The following NTNG1 variants were observed in gnomAD, a reference collection of about 807,000 sequenced individuals.
NTNG1 encodes netrin-G1.
In NTNG1, 16 loss-of-function variants were observed where a neutral mutation model predicts 54.0. That is an observed-to-expected ratio of 0.30 (90% CI 0.20 to 0.45). NTNG1 has a LOEUF of 0.45. NTNG1 is among the 20% of genes least tolerant of loss of function. The pLI, the probability that NTNG1 is intolerant of heterozygous loss-of-function variation, is 1.00. For missense variants in NTNG1, 530 were observed against 678.7 expected, an observed-to-expected ratio of 0.78 and a Z score of 2.43; for synonymous variants, 255 against 263.1, an observed-to-expected ratio of 0.97 and a Z score of 0.30.
intron 2 of NTNG1, among the ~76,000 whole-genome samples, chr1:107,253,312 G>C (rs537399094): frequency 6.6e-6 from 1 of 152,176 alleles, no homozygotes; most frequent in Non-Finnish European, 1.5e-5. Context: ...TCCAATAAAG[G>C]TTTGGTCTTC....
At chr1:107,198,227 GACACAT>G (rs1394812989) in intron 2 of NTNG1, among the ~76,000 whole-genome samples, 3 of 151,526 alleles carry the variant, frequency 2.0e-5, no homozygotes, top group Non-Finnish European at 4.4e-5. Context: ...TACATTTAGA[GACACAT>G]ACTGATATAC....
chr1:107,472,734 T>G (rs1678064999), intron 7 of NTNG1, among the ~76,000 whole-genome samples: 1 of 152,098 alleles, frequency 6.6e-6, no homozygotes, highest in South Asian at 2.1e-4. Flanking sequence ...TTTTTTTTTG[T>G]TTTGTTTTGT....
chr1:107,398,506 A>C (rs916425608), intron 4 of NTNG1, among the ~76,000 whole-genome samples: 40 of 152,286 alleles, frequency 2.6e-4, no homozygotes, highest in African/African-American at 9.6e-4. Flanking sequence ...AAACATGTAG[A>C]GCTAAGCAGA....
intron 2 of NTNG1, among the ~76,000 whole-genome samples, chr1:107,187,622 G>T (rs1035789906): frequency 3.9e-5 from 6 of 152,188 alleles, no homozygotes; most frequent in South Asian, 2.1e-4. Context: ...ACATTGGTGT[G>T]AGGGTTCAGA....
chr1:107,354,353 T>C (rs1400820166), intron 3 of NTNG1, among the ~76,000 whole-genome samples: 1 of 148,826 alleles, frequency 6.7e-6, no homozygotes, highest in African/African-American at 2.5e-5. Context: ...CCTGTAGTCC[T>C]AGCTACTCAG....
At chr1:107,179,908 A>G (rs1475345906) in intron 2 of NTNG1, among the ~76,000 whole-genome samples, 1 of 152,116 alleles carries the variant, frequency 6.6e-6, no homozygotes, top group Non-Finnish European at 1.5e-5. Context: ...CCAGTTTTAC[A>G]TTAGTAAGTT....
chr1:107,194,602 A>T (rs2101225082), intron 2 of NTNG1, among the ~76,000 whole-genome samples: 1 of 152,176 alleles, frequency 6.6e-6, no homozygotes, highest in South Asian at 2.1e-4. Context: ...AATGTTTAAA[A>T]GTGAGATCAG....
intron 2 of NTNG1, among the ~76,000 whole-genome samples, chr1:107,300,999 A>G (rs1666279743): frequency 6.6e-6 from 1 of 152,096 alleles, no homozygotes; most frequent in Non-Finnish European, 1.5e-5. Context: ...TTTTCTACCT[A>G]AAAGCTTATG....
intron 2 of NTNG1, among the ~76,000 whole-genome samples, chr1:107,296,239 C>T (rs916349183): frequency 6.6e-6 from 1 of 152,056 alleles, no homozygotes; most frequent in Non-Finnish European, 1.5e-5. Flanking sequence ...TAATTCTCCA[C>T]CTGGATGAAT....
rs368766146 is a variant in NTNG1, at chr1:107,222,548, G to T, written c.246+73709G>T. Among the ~76,000 whole-genome samples the T allele has an allele frequency of 3.9e-5, 6 of 152,216 alleles. No homozygotes were observed. The South Asian group carries it at 1.0e-3, about 26-fold the overall frequency. ...CATCATAAGTACTTATTAAAATTTT[G>T]CTGCTAGTAGTCACAATTGGACCCC... On this transcript the variant is annotated intron_variant, in intron 2 of 7. Coordinates refer to ENST00000370068, the MANE Select transcript of NTNG1 (RefSeq NM_001113226.3).
intron 3 of NTNG1, among the ~76,000 whole-genome samples, chr1:107,327,022 G>T (rs1034333323): frequency 1.3e-5 from 2 of 152,096 alleles, no homozygotes; most frequent in African/African-American, 4.8e-5. Context: ...CATTTCAGTG[G>T]TTCTGAGGAG....
At chr1:107,274,170 C>T (rs1315708204) in intron 2 of NTNG1, among the ~76,000 whole-genome samples, 1 of 152,166 alleles carries the variant, frequency 6.6e-6, no homozygotes, top group Non-Finnish European at 1.5e-5. Context: ...TCACAAGTCC[C>T]CAAGGGGGTA....
At chr1:107,433,658 A>T (rs1181220125) in intron 6 of NTNG1, among the ~76,000 whole-genome samples, 1 of 152,262 alleles carries the variant, frequency 6.6e-6, no homozygotes. Context: ...TTCAAGAATG[A>T]ATAGAAAAAT....
intron 2 of NTNG1, among the ~76,000 whole-genome samples, chr1:107,258,527 C>T (rs115679277): frequency 0.014 from 2,060 of 152,308 alleles, 17 homozygotes; most frequent in Non-Finnish European, 0.021. Flanking sequence ...AGCAAACACT[C>T]ATGGCAATTT....
At chr1:107,214,970 A>G (rs946178823) in intron 2 of NTNG1, among the ~76,000 whole-genome samples, 1 of 151,146 alleles carries the variant, frequency 6.6e-6, no homozygotes, top group African/African-American at 2.4e-5. Context: ...CCACTTTTTG[A>G]TGGGATTGTT....
Position 107,361,073 on chromosome 1 carries a change from A to G in NTNG1, c.888-34081A>G, listed in dbSNP as rs370943528. Among the ~76,000 whole-genome samples, 574 of 148,372 alleles carry G rather than the reference A, an allele frequency of 3.9e-3. 4 individuals carry two copies. The highest frequency in any genetic ancestry group is 0.013 in the African/African-American group (543 of 40,620). The stretch of plus-strand genomic sequence containing the variant: ...AAGTACATAGCTCCAAAAAAAAGGC[A>G]AAAGATCTTTGAAATGGGTTTGAAA... On this transcript the variant is annotated intron_variant, in intron 3 of 7. Coordinates refer to ENST00000370068, the MANE Select transcript of NTNG1 (RefSeq NM_001113226.3).
chr1:107,223,726 A>G (rs950761609), intron 2 of NTNG1, among the ~76,000 whole-genome samples: 12 of 152,266 alleles, frequency 7.9e-5, no homozygotes, highest in African/African-American at 2.4e-4. Context: ...GAAAAAAGGT[A>G]TCTCTAGGGA....
At chr1:107,343,633 T>C (rs771170879) in intron 3 of NTNG1, among the ~76,000 whole-genome samples, 1 of 152,012 alleles carries the variant, frequency 6.6e-6, no homozygotes, top group Non-Finnish European at 1.5e-5. Flanking sequence ...CAGCAGACGC[T>C]CTATCCCTGA....
At chr1:107,224,472 G>A (rs1302129116) in intron 2 of NTNG1, among the ~76,000 whole-genome samples, 1 of 152,136 alleles carries the variant, frequency 6.6e-6, no homozygotes, top group Non-Finnish European at 1.5e-5. Flanking sequence ...TTCATGTAAT[G>A]AGTTTCAGTT....
Sources: gnomAD v4.1 joint callset for allele counts (sites outside exome capture counted in the v4.1 genomes callset) on GRCh38, gnomAD v4.1.1 for gene constraint, MANE v1.5 for transcripts, NCBI Gene and HGNC (gene_info 2026-07-23, HGNC 2026-07-21) for gene names.